GRM5: variants seen among roughly 807,000 people sequenced by gnomAD.
GRM5 encodes metabotropic glutamate receptor 5.
Under a neutral mutation model 83.1 loss-of-function variants are expected in GRM5, and 19 were observed. The ratio of observed to expected loss-of-function variants is 0.23; its 90% CI spans 0.16 to 0.34. The LOEUF (loss-of-function observed/expected upper bound fraction) is 0.34, where lower values mean the gene tolerates loss of function less well. Ranked by LOEUF, GRM5 falls within the 10% of genes least tolerant of loss-of-function variation. The probability of loss-of-function intolerance (pLI) is 1.00; values close to 1 mark genes in which losing one functional copy is unlikely to be tolerated. For synonymous variants in GRM5, 675 were observed against 633.6 expected (o/e 1.07, Z -0.98); for missense variants, 1,160 against 1,588.3 (o/e 0.73, Z 4.58).
chr11:88,866,298 T>A (rs1345391916), intron 2 of GRM5, among the ~76,000 whole-genome samples: 1 of 151,740 alleles, frequency 6.6e-6, no homozygotes, highest in Non-Finnish European at 1.5e-5. Context: ...CAAACTAACA[T>A]AGGAACAGAA....
chr11:88,723,559 A>ATGGT (rs1315884649), intron 3 of GRM5, among the ~76,000 whole-genome samples: 1 of 152,028 alleles, frequency 6.6e-6, no homozygotes, highest in Admixed American at 6.6e-5. Context: ...TCTCAAACAA[A>ATGGT]TGGTTGTTAC....
intron 3 of GRM5, among the ~76,000 whole-genome samples, chr11:88,846,956 C>T (rs1032029998): frequency 6.6e-6 from 1 of 152,086 alleles, no homozygotes; most frequent in African/African-American, 2.4e-5. Context: ...CAAATAATAA[C>T]TTCCCCTCTG....
chr11:88,741,131 G>A (rs1406576016), intron 3 of GRM5, among the ~76,000 whole-genome samples: 4 of 152,036 alleles, frequency 2.6e-5, no homozygotes, highest in Non-Finnish European at 5.9e-5. Flanking sequence ...GGAGTTCACT[G>A]GTAGGTAATT....
At chr11:88,959,794 T>G (rs2134982593) in intron 2 of GRM5, among the ~76,000 whole-genome samples, 1 of 152,244 alleles carries the variant, frequency 6.6e-6, no homozygotes, top group Admixed American at 6.5e-5. Context: ...TGATAAGAGG[T>G]CAGTGTATTG....
intron 4 of GRM5, among the ~76,000 whole-genome samples, chr11:88,641,955 T>G (rs1436517238): frequency 1.3e-5 from 2 of 152,170 alleles, no homozygotes; most frequent in Non-Finnish European, 2.9e-5. Flanking sequence ...CACTAGGCAG[T>G]TCCCTGGTGG....
At position 88,852,924 on chromosome 11, in the gene GRM5, G is replaced by T. The variant is rs149670670; in HGVS notation, c.662-2769C>A. On this transcript the variant is annotated intron_variant, in intron 2 of 9. Transcript: ENST00000305447. ...AAATGCAGCAAAAAAAAGTCTACAG[G>T]CTTCTCAAATAAAAATAGAACACAT... 2.8e-3 allele frequency among the ~76,000 whole-genome samples: 433 copies of T among 152,092 alleles called. 1 individual carries two copies. The highest frequency in any genetic ancestry group is 0.017 in the Middle Eastern group (5 of 294).
intron 2 of GRM5, among the ~76,000 whole-genome samples, chr11:88,941,547 GA>G (rs1938112455): frequency 1.2e-5 from 1 of 83,646 alleles, no homozygotes; most frequent in Non-Finnish European, 2.7e-5. Flanking sequence ...GAGGAGGAGA[GA>G]GGAGGAGGAG....
At chr11:88,649,409 T>C (rs1470657452) in intron 4 of GRM5, among the ~76,000 whole-genome samples, 2 of 143,176 alleles carry the variant, frequency 1.4e-5, no homozygotes, top group Admixed American at 7.3e-5. Context: ...TTGCATATAT[T>C]ATGCATTATA....
chr11:88,505,441 A>T lies in GRM5; in HGVS notation c.*3151T>A. The T allele has an allele frequency of 6.6e-6, 1 of 152,266 alleles. No homozygotes were observed. Among genetic ancestry groups the T allele is most frequent in the Non-Finnish European group, 1.5e-5 (1 of 68,042 alleles). The allele number at this position is 152,266 out of a possible 1,614,324, so 9.4% of individuals were successfully genotyped here. A position where few individuals can be genotyped will look rare whatever the true frequency, so the allele number is the denominator to read the frequency against. ...TCAGAAATAGCTCCTAGTCTTCCTG[A>T]TCACTTGCTGGTAACAGCAGTAGTT... On this transcript the variant is annotated 3_prime_UTR_variant, in exon 10 of 10. Transcript: ENST00000305447.
chr11:88,613,358 C>G (rs1591382614), intron 4 of GRM5, among the ~76,000 whole-genome samples: 1 of 152,240 alleles, frequency 6.6e-6, no homozygotes, highest in South Asian at 2.1e-4. Context: ...CTCTAGAAAC[C>G]TGTTTTATGA....
intron 1 of GRM5, among the ~76,000 whole-genome samples, chr11:89,060,151 C>G (rs11018448): frequency 2.6e-5 from 4 of 151,850 alleles, no homozygotes; most frequent in Non-Finnish European, 4.4e-5. Flanking sequence ...AGTAAAGCAG[C>G]TCAAAACAAA....
At chr11:88,525,182 G>A (rs1295573261) in intron 9 of GRM5, 127 bp downstream of exon 9, 2 of 663,922 alleles carry the variant, frequency 3.0e-6, no homozygotes, top group East Asian at 2.6e-5. Flanking sequence ...AAAACCAGTA[G>A]TAGCCTGGGT....
Position 88,891,719 on chromosome 11 carries a change from G to A in GRM5, c.662-41564C>T, listed in dbSNP as rs191322503. ...AAAATTTTGTCACTTACAGACAATT[G>A]TTATCTTGCTATGTTCCTTCTCAAA... is the stretch of plus-strand genomic sequence containing the variant. On this transcript the variant is annotated intron_variant, in intron 2 of 9. Transcript: ENST00000305447. Among the ~76,000 whole-genome samples the A allele has an allele frequency of 2.3e-3, 356 of 152,044 alleles. 1 individual carries two copies. The highest frequency in any genetic ancestry group is 8.2e-3 in the African/African-American group (342 of 41,500).
chr11:88,683,013 C>T (rs546127523), intron 3 of GRM5, among the ~76,000 whole-genome samples: 1 of 152,074 alleles, frequency 6.6e-6, no homozygotes, highest in Non-Finnish European at 1.5e-5. Context: ...TTCATTACAA[C>T]TTTAAGTAGT....
chr11:89,007,631 G>A (rs1377720959), intron 2 of GRM5, among the ~76,000 whole-genome samples: 1 of 152,222 alleles, frequency 6.6e-6, no homozygotes, highest in East Asian at 1.9e-4. Context: ...GGTCATACGG[G>A]TTTTATCCAA....
In GRM5 at chr11:88,543,311, G is replaced by A. The variant is rs371558811; in HGVS notation, c.2631-17907C>T. Among the ~76,000 whole-genome samples, 139 of 152,258 alleles carry A rather than the reference G, an allele frequency of 9.1e-4. 3 individuals carry two copies. In the South Asian group the frequency reaches 0.028, roughly 30 times the overall value. On this transcript the variant is annotated intron_variant, in intron 8 of 9. Coordinates refer to ENST00000305447, the MANE Select transcript of GRM5 (RefSeq NM_001143831.3). Reference sequence around the variant, plus strand: ...GGGCCTTGTAGAGCTGACCGTTTAAGCTTTCTCCTTCAAGCCTAGGAAGAG... The same window carrying A: ...GGGCCTTGTAGAGCTGACCGTTTAAACTTTCTCCTTCAAGCCTAGGAAGAG...
At chr11:88,612,506 T>C (rs931983858) in intron 4 of GRM5, among the ~76,000 whole-genome samples, 21 of 152,266 alleles carry the variant, frequency 1.4e-4, no homozygotes, top group African/African-American at 4.8e-4. Flanking sequence ...CTGGGTCAAA[T>C]GGTATTTCTA....
chr11:88,996,155 T>C (rs566239232), intron 2 of GRM5, among the ~76,000 whole-genome samples: 1 of 152,360 alleles, frequency 6.6e-6, no homozygotes, highest in South Asian at 2.1e-4. Flanking sequence ...CTCAGCATGA[T>C]AAACCCTGTG....
At chr11:88,960,530 G>C (rs1323246972) in intron 2 of GRM5, among the ~76,000 whole-genome samples, 2 of 152,112 alleles carry the variant, frequency 1.3e-5, no homozygotes, top group Non-Finnish European at 2.9e-5. Context: ...GTTAATGCTT[G>C]GTGCAACAGA....
Sources: gnomAD v4.1 joint callset for allele counts (sites outside exome capture counted in the v4.1 genomes callset) on GRCh38, gnomAD v4.1.1 for gene constraint, MANE v1.5 for transcripts, NCBI Gene and HGNC (gene_info 2026-07-23, HGNC 2026-07-21) for gene names.